Variants in NOMO1 observed in about 807,000 individuals in gnomAD.
NOMO1 encodes the protein NODAL modulator 1.
In NOMO1, 40 loss-of-function variants were observed where a neutral mutation model predicts 133.8. The observed-to-expected ratio is 0.30, with a 90% confidence interval of 0.23 to 0.39. The LOEUF is 0.39. Among genes scored for constraint, NOMO1 ranks in the 10% least tolerant of loss-of-function variants. The pLI is 1.00. For missense variants in NOMO1, 462 were observed against 1,419.9 expected, an observed-to-expected ratio of 0.33 and a Z score of 10.84; for synonymous variants, 236 against 570.5, an observed-to-expected ratio of 0.41 and a Z score of 8.36.
Position 14,868,560 on chromosome 16 carries a change from G to A in NOMO1, c.1819G>A (p.Asp607Asn), listed in dbSNP as rs1313359932. Residue 607 changes from aspartate (D) to asparagine (N), a missense_variant, in exon 16 of 31, where the codon GAT (aspartate) becomes AAT (asparagine). Transcript: ENST00000287667. ...SHAITLEFYQ[D>N]GNGRENVGIY... ...TTTGCTTCCTTAGGAATTTTATCAG[G>A]ATGGAAATGGGCGTGAGAATGTGGG... 6.2e-7 allele frequency: 1 copy of A among 1,611,710 alleles called. No homozygotes were observed. Among genetic ancestry groups the A allele is most frequent in the Non-Finnish European group, 8.5e-7 (1 of 1,179,710 alleles).
chr16:14,858,573 G>A (rs1963877156), intron 11 of NOMO1, among the ~76,000 whole-genome samples: 1 of 151,874 alleles, frequency 6.6e-6, no homozygotes, highest in Non-Finnish European at 1.5e-5. Flanking sequence ...CAGTCTCACA[G>A]CAGCATGAGG....
In NOMO1 at chr16:14,883,631, C is replaced by T. The variant is rs1330313538; in HGVS notation, c.3112-741C>T. 2.0e-5 allele frequency among the ~76,000 whole-genome samples: 3 copies of T among 151,412 alleles called. 1 individual carries two copies. The highest frequency in any genetic ancestry group is 4.9e-5 in the African/African-American group (2 of 40,946). ...ACAGGCATGAGCCACCGCACTGGGC[C>T]GGAAGTGGATTTCCTTGACGTCTTT... On this transcript the variant is annotated intron_variant, in intron 26 of 30. Transcript: ENST00000287667.
chr16:14,852,980 G>A (rs1274997224), intron 7 of NOMO1: 1 of 229,006 alleles, frequency 4.4e-6, no homozygotes, highest in Non-Finnish European at 8.5e-6. Context: ...TCCAGCCTGG[G>A]TGACAGAGTG....
chr16:14,850,649 CTCTA>C (rs1220976723), intron 6 of NOMO1, among the ~76,000 whole-genome samples: 4 of 151,300 alleles, frequency 2.6e-5, no homozygotes, highest in African/African-American at 4.9e-5. Context: ...TCAGCTTCTA[CTCTA>C]TCTGTTTTAT....
chr16:14,863,067 GAT>G lies in NOMO1; in HGVS notation c.1276_1277del (p.Met426GlufsTer2), dbSNP rs1963943425. ...IIRFPDTVKQMNKYKVVLSSQ... is the reference protein window; with the variant it reads ...IIRFPDTVKQXNKYKVVLSSQ... ...TTCGCTTCCCCGACACCGTCAAGCA[GAT>G]GAATAAATACAAAGTTGTCCTGTCA... On this transcript the variant is annotated frameshift_variant, in exon 12 of 31. Transcript: ENST00000287667. LOFTEE classifies it high-confidence loss of function. 1 of 1,610,728 alleles carries G rather than the reference GAT, an allele frequency of 6.2e-7. No individual in the cohort carries two copies. Among genetic ancestry groups the G allele is most frequent in the South Asian group, 1.1e-5 (1 of 90,908 alleles).
chr16:14,893,455 G>A (rs1206070989), intron 29 of NOMO1, among the ~76,000 whole-genome samples: 1 of 151,706 alleles, frequency 6.6e-6, no homozygotes, highest in Non-Finnish European at 1.5e-5. Flanking sequence ...CAAAGTGCTG[G>A]GATTACAGGC....
chr16:14,883,836 G>A (rs1328957313), intron 26 of NOMO1, among the ~76,000 whole-genome samples: 2 of 151,236 alleles, frequency 1.3e-5, no homozygotes, highest in East Asian at 1.9e-4. Flanking sequence ...CAGACCTCAC[G>A]CAGAGGGGGT....
At chr16:14,876,539 CAT>C (rs767421615) in intron 21 of NOMO1, 21 bp downstream of exon 21, 3 of 1,611,466 alleles carry the variant, frequency 1.9e-6, no homozygotes, top group Admixed American at 3.3e-5. Context: ...GATAGAGACA[CAT>C]GTGCCTGGGA....
At chr16:14,865,768 AATTAT>A (rs1438792781) in intron 14 of NOMO1, among the ~76,000 whole-genome samples, 2 of 128,728 alleles carry the variant, frequency 1.6e-5, no homozygotes, top group Non-Finnish European at 3.2e-5. Context: ...CTTTTTCTGG[AATTAT>A]ATTAATATTT....
intron 11 of NOMO1, among the ~76,000 whole-genome samples, chr16:14,860,832 T>C (rs1330586479): frequency 1.3e-5 from 2 of 152,068 alleles, no homozygotes; most frequent in African/African-American, 4.8e-5. Context: ...TTTAGCACAC[T>C]GATACTTCTT....
intron 1 of NOMO1, among the ~76,000 whole-genome samples, chr16:14,836,794 T>G (rs905906919): frequency 2.0e-5 from 3 of 149,378 alleles, no homozygotes; most frequent in African/African-American, 7.4e-5. Flanking sequence ...CAAGCTCCGC[T>G]TCCCGGGTTC....
intron 14 of NOMO1, 109 bp downstream of exon 14, chr16:14,865,264 T>C (rs1597103148): frequency 3.3e-6 from 2 of 614,516 alleles, no homozygotes; most frequent in East Asian, 5.7e-5. Flanking sequence ...TTTCCTTGTT[T>C]TAAGTCGTCT....
In NOMO1 at chr16:14,857,650, A is replaced by G. The variant is rs1567540487; in HGVS notation, c.1215A>G (p.Ala405=). Residue 405 remains alanine, a synonymous_variant, in exon 11 of 31, where the codon GCA becomes GCG. Coordinates refer to ENST00000287667, the MANE Select transcript of NOMO1 (RefSeq NM_014287.4). ...CACCTCAGCTGGCTGACATTATTGC[A>G]ACAGGGTAAGCTTATCGTGTGGATT... is the stretch of plus-strand genomic sequence containing the variant. The part of the protein sequence containing the change: ...PNTPQLADII[A]TGFSVCGQIS... 1 of 1,613,596 alleles carries G rather than the reference A, an allele frequency of 6.2e-7. No homozygotes were observed. Among genetic ancestry groups the G allele is most frequent in the Non-Finnish European group, 8.5e-7 (1 of 1,179,852 alleles).
intron 11 of NOMO1, 122 bp from the exon 12 acceptor site, chr16:14,862,891 A>G (rs1963940031): frequency 2.5e-6 from 3 of 1,221,730 alleles, no homozygotes; most frequent in Non-Finnish European, 3.5e-6. Context: ...CTGTCTCTTC[A>G]TTAAGATTAG....
At chr16:14,866,906 C>T (rs915166044) in intron 15 of NOMO1, among the ~76,000 whole-genome samples, 1 of 149,342 alleles carries the variant, frequency 6.7e-6, no homozygotes, top group Admixed American at 6.6e-5. Context: ...TTGTCCTGGC[C>T]CTACACTAAA....
intron 15 of NOMO1, among the ~76,000 whole-genome samples, 182 bp downstream of exon 15, chr16:14,866,873 A>T (rs1257109075): frequency 6.7e-6 from 1 of 149,490 alleles, no homozygotes; most frequent in Non-Finnish European, 1.5e-5. Flanking sequence ...CAGTGGAAGG[A>T]CCCCTGTATT....
At chr16:14,843,281 G>A (rs1441704481) in intron 3 of NOMO1, among the ~76,000 whole-genome samples, 12 of 142,150 alleles carry the variant, frequency 8.4e-5, no homozygotes, top group Non-Finnish European at 1.5e-4. Flanking sequence ...ATGGCCATTT[G>A]AGTTGCTTAC....
At chr16:14,866,925 G>C (rs1964005254) in intron 15 of NOMO1, among the ~76,000 whole-genome samples, 1 of 149,186 alleles carries the variant, frequency 6.7e-6, no homozygotes, top group East Asian at 1.9e-4. Context: ...AATCTGACTG[G>C]TGATTCGGGG....
chr16:14,844,600 G>A, intron 3 of NOMO1, 74 bp from the exon 4 acceptor site: 1 of 421,302 alleles, frequency 2.4e-6, no homozygotes, highest in Non-Finnish European at 4.1e-6. Context: ...GTTCTACTTA[G>A]GTTCACTGTA....
Sources: gnomAD v4.1 joint callset for allele counts (sites outside exome capture counted in the v4.1 genomes callset) on GRCh38, gnomAD v4.1.1 for gene constraint, MANE v1.5 for transcripts, NCBI Gene and HGNC (gene_info 2026-07-23, HGNC 2026-07-21) for gene names.